The following GRIA3 variants were observed in gnomAD, a reference collection of about 807,000 sequenced individuals.
GRIA3 encodes the protein glutamate receptor 3.
A neutral mutation model predicts 63.0 loss-of-function variants in GRIA3; 3 were observed. The ratio of observed to expected loss-of-function variants is 0.05; its 90% CI spans 0.02 to 0.12. The LOEUF (loss-of-function observed/expected upper bound fraction) is 0.12. GRIA3 is among the 10% of genes least tolerant of loss of function. GRIA3 has a pLI of 1.00. For missense variants in GRIA3, 347 were observed against 700.9 expected (o/e 0.50, Z 5.70); for synonymous variants, 274 against 257.9 (o/e 1.06, Z -0.60).
intron 3 of GRIA3, among the ~76,000 whole-genome samples, chrX:123,283,926 T>C (rs1269033182): frequency 1.8e-5 from 2 of 112,143 alleles, no homozygotes; most frequent in Non-Finnish European, 3.8e-5. Flanking sequence ...CTCAAGTGGG[T>C]CCCTGACCCC....
chrX:123,368,238 A>G (rs781043095), intron 5 of GRIA3, among the ~76,000 whole-genome samples: 1 of 111,297 alleles, frequency 9.0e-6, no homozygotes, highest in East Asian at 2.8e-4. Context: ...GAGGAGTGAG[A>G]ATGGAACTTT....
In GRIA3 at chrX:123,428,062, A is replaced by G. The variant is rs1057524053; in HGVS notation, c.1999A>G (p.Ser667Gly). ...TVERMVSPIESAEDLAKQTEI... is the reference protein window; with the variant it reads ...TVERMVSPIEGAEDLAKQTEI... ...GGAGAGGATGGTTTCTCCCATAGAG[A>G]GTGCTGAAGACTTAGCTAAACAGAC... The change falls in exon 12 of 16, where the codon AGT (serine) becomes GGT (glycine). Residue 667 changes from serine to glycine, a missense_variant. Ser to Gly is a moderately conservative substitution (Grantham distance 56). Around this residue, in one of 8 missense-constraint regions of GRIA3, gnomAD observed 49 missense variants for 176.6 expected, o/e 0.28. Coordinates refer to ENST00000620443, the MANE Select transcript of GRIA3 (RefSeq NM_007325.5). The G allele has an allele frequency of 3.3e-6, 4 of 1,197,058 alleles. No individual in the cohort carries two copies. In the Admixed American group the frequency reaches 8.8e-5, roughly 26 times the overall value.
At chrX:123,342,933 T>C (rs966422447) in intron 4 of GRIA3, among the ~76,000 whole-genome samples, 3 of 111,386 alleles carry the variant, frequency 2.7e-5, no homozygotes, top group African/African-American at 9.8e-5. Context: ...ACAATAGTAG[T>C]GACAGTTGTT....
intron 3 of GRIA3, among the ~76,000 whole-genome samples, chrX:123,266,129 A>G (rs1313625826): frequency 8.9e-6 from 1 of 112,175 alleles, no homozygotes; most frequent in East Asian, 2.8e-4. Flanking sequence ...CAAAAATGAT[A>G]TGAATTTCTA....
chrX:123,307,957 T>C (rs1296410940), intron 3 of GRIA3, among the ~76,000 whole-genome samples: 1 of 111,721 alleles, frequency 9.0e-6, no homozygotes, highest in Non-Finnish European at 1.9e-5. Flanking sequence ...TCTCCAGTAG[T>C]GAAGACCCTG....
chrX:123,386,786 C>T (rs1412828320), intron 5 of GRIA3, among the ~76,000 whole-genome samples: 1 of 111,232 alleles, frequency 9.0e-6, no homozygotes, highest in Non-Finnish European at 1.9e-5. Context: ...GGATTTATTT[C>T]TGGGTTCACT....
chrX:123,204,055 T>C (rs917217211), intron 2 of GRIA3, among the ~76,000 whole-genome samples: 4 of 112,287 alleles, frequency 3.6e-5, no homozygotes, highest in African/African-American at 1.3e-4. Context: ...CAATAAATAT[T>C]GAGCTAATAA....
intron 5 of GRIA3, among the ~76,000 whole-genome samples, chrX:123,386,283 C>T (rs73553757): frequency 0.049 from 5,446 of 111,120 alleles, 320 homozygotes; most frequent in African/African-American, 0.17. Flanking sequence ...CACTTTTTAA[C>T]GGGATTATTT....
chrX:123,296,544 T>C (rs2044687357), intron 3 of GRIA3, among the ~76,000 whole-genome samples: 1 of 111,304 alleles, frequency 9.0e-6, no homozygotes, highest in African/African-American at 3.3e-5. Context: ...AATCACGCTA[T>C]GTTCCCTCAG....
intron 12 of GRIA3, among the ~76,000 whole-genome samples, chrX:123,436,900 A>G (rs2045647198): frequency 9.0e-6 from 1 of 111,044 alleles, no homozygotes; most frequent in Non-Finnish European, 1.9e-5. Flanking sequence ...ACTTGAGTTC[A>G]CCTGGCAAGC....
chrX:123,316,312 T>C (rs1433463929), intron 3 of GRIA3, among the ~76,000 whole-genome samples: 2 of 111,868 alleles, frequency 1.8e-5, no homozygotes, highest in Non-Finnish European at 3.8e-5. Flanking sequence ...TCACTAGCTT[T>C]ACTAATAAAG....
chrX:123,279,501 A>T (rs922238226), intron 3 of GRIA3, among the ~76,000 whole-genome samples: 34 of 111,644 alleles, frequency 3.0e-4, no homozygotes, highest in African/African-American at 9.8e-4. Context: ...TCAATTAAAA[A>T]TTTTTTTTAT....
At chrX:123,260,719 A>G (rs1384179601) in intron 3 of GRIA3, among the ~76,000 whole-genome samples, 1 of 108,234 alleles carries the variant, frequency 9.2e-6, no homozygotes, top group African/African-American at 3.4e-5. Context: ...TTACATCTGA[A>G]TAAATTAGGA....
intron 2 of GRIA3, among the ~76,000 whole-genome samples, chrX:123,225,860 T>C (rs973116575): frequency 1.3e-4 from 15 of 111,254 alleles, no homozygotes; most frequent in African/African-American, 4.6e-4. Flanking sequence ...TTTAAATTAA[T>C]GGTATTTCTG....
intron 10 of GRIA3, among the ~76,000 whole-genome samples, chrX:123,407,480 C>T (rs1297480714): frequency 2.7e-5 from 3 of 110,838 alleles, no homozygotes; most frequent in Non-Finnish European, 5.7e-5. Context: ...TTCATTGTCT[C>T]GTGAGGGCCA....
intron 4 of GRIA3, among the ~76,000 whole-genome samples, chrX:123,340,121 C>A (rs760092428): frequency 9.8e-5 from 11 of 111,960 alleles, no homozygotes; most frequent in African/African-American, 3.6e-4. Context: ...TTACATGGAC[C>A]AAATAAGCAT....
At chrX:123,465,193 T>C in intron 13 of GRIA3, 81 bp downstream of exon 13, 2 of 1,014,414 alleles carry the variant, frequency 2.0e-6, no homozygotes. Context: ...TTTTCTTTCT[T>C]GTGGATTTTG....
chrX:123,431,748 A>G (rs1023452570), intron 12 of GRIA3, among the ~76,000 whole-genome samples: 2 of 112,333 alleles, frequency 1.8e-5, no homozygotes, highest in African/African-American at 6.5e-5. Flanking sequence ...GACCTTTAAA[A>G]GTATTAGAAA....
chrX:123,339,488 A>G (rs1375752231), intron 4 of GRIA3, among the ~76,000 whole-genome samples: 1 of 112,214 alleles, frequency 8.9e-6, no homozygotes, highest in Non-Finnish European at 1.9e-5. Flanking sequence ...CTCATAGTTC[A>G]TAGGGAAGCA....
Sources: allele counts gnomAD v4.1 joint callset (sites outside exome capture counted in the v4.1 genomes callset), GRCh38; gene constraint gnomAD v4.1.1; regional missense constraint gnomAD v4.1.1; transcripts MANE v1.5; gene names NCBI Gene and HGNC (gene_info 2026-07-23, HGNC 2026-07-21).